Variants in CASK observed in about 807,000 individuals in gnomAD.
CASK encodes calcium/calmodulin dependent serine protein kinase.
In CASK, 4 loss-of-function variants were observed where a neutral mutation model predicts 82.9. That is an observed-to-expected ratio of 0.05 (90% CI 0.02 to 0.11). The LOEUF (loss-of-function observed/expected upper bound fraction) is 0.11. CASK is among the 10% of genes least tolerant of loss of function. CASK has a pLI of 1.00. For missense variants in CASK, 358 were observed against 720.9 expected (o/e 0.50, Z 5.76); for synonymous variants, 259 against 253.5 (o/e 1.02, Z -0.20).
rs149899543 is a variant in CASK, at chrX:41,768,100, T to C, written c.278+19078A>G. On this transcript the variant is annotated intron_variant, in intron 3 of 26. Coordinates refer to ENST00000378163, the MANE Select transcript of CASK (RefSeq NM_001367721.1). Reference sequence around the variant, plus strand: ...TTGGATTGTAATCTATACTGTGTTATTTTTTGCTCAAATTGTTCCAGTTTT... The same window carrying C: ...TTGGATTGTAATCTATACTGTGTTACTTTTTGCTCAAATTGTTCCAGTTTT... Among the ~76,000 whole-genome samples, 666 of 112,058 alleles carry C rather than the reference T, an allele frequency of 5.9e-3. 35 individuals are homozygous for C. The East Asian group carries it at 0.11, about 18-fold the overall frequency.
chrX:41,891,095 G>A (rs1185013486), intron 1 of CASK, among the ~76,000 whole-genome samples: 1 of 108,663 alleles, frequency 9.2e-6, no homozygotes, highest in Non-Finnish European at 1.9e-5. Flanking sequence ...TTGCCATGTT[G>A]GTCAAGCTGG....
At chrX:41,736,747 C>T (rs1035867451) in intron 5 of CASK, among the ~76,000 whole-genome samples, 4 of 111,821 alleles carry the variant, frequency 3.6e-5, no homozygotes, top group Non-Finnish European at 5.6e-5. Context: ...CATACTCCAA[C>T]GTAAGACTAC....
chrX:41,663,894 G>A (rs917062373), intron 7 of CASK, among the ~76,000 whole-genome samples: 2 of 111,715 alleles, frequency 1.8e-5, no homozygotes, highest in African/African-American at 3.3e-5. Context: ...CTTTTAAAAC[G>A]TTAGTATCTG....
chrX:41,670,596 A>C (rs1192543947), intron 6 of CASK, among the ~76,000 whole-genome samples: 2 of 111,035 alleles, frequency 1.8e-5, no homozygotes, highest in Non-Finnish European at 3.8e-5. Context: ...AAAATAAAAA[A>C]AGTTTGCTAG....
At chrX:41,890,585 G>A (rs2072147160) in intron 1 of CASK, among the ~76,000 whole-genome samples, 1 of 111,666 alleles carries the variant, frequency 9.0e-6, no homozygotes, top group African/African-American at 3.3e-5. Context: ...TCTCAAGAAG[G>A]GAAGGACTTT....
chrX:41,813,217 T>A (rs1360949741), intron 2 of CASK, among the ~76,000 whole-genome samples: 3 of 111,628 alleles, frequency 2.7e-5, no homozygotes, highest in Non-Finnish European at 5.6e-5. Context: ...CCAATGACTT[T>A]CTTCACGAAA....
intron 3 of CASK, among the ~76,000 whole-genome samples, chrX:41,755,741 T>G (rs192976624): frequency 1.8e-5 from 2 of 112,110 alleles, no homozygotes; most frequent in East Asian, 5.5e-4. Context: ...AAGTTAAAAT[T>G]AGAACTAAGC....
intron 14 of CASK, among the ~76,000 whole-genome samples, chrX:41,580,672 G>A (rs1358170586): frequency 9.0e-6 from 1 of 111,055 alleles, no homozygotes; most frequent in Non-Finnish European, 1.9e-5. Flanking sequence ...TTAACCTAAA[G>A]CTCTAATTCA....
chrX:41,636,441 T>C, intron 9 of CASK, 137 bp downstream of exon 9: 1 of 482,878 alleles, frequency 2.1e-6, no homozygotes, highest in East Asian at 3.7e-5. Flanking sequence ...GAAGTGGTGG[T>C]AATTTTTGGA....
chrX:41,843,513 C>T (rs896116002), intron 2 of CASK, among the ~76,000 whole-genome samples: 15 of 111,675 alleles, frequency 1.3e-4, no homozygotes, highest in Admixed American at 1.9e-4. Flanking sequence ...TCTACTTACT[C>T]GTGGTACTTA....
chrX:41,753,206 T>A (rs2068826852), intron 3 of CASK, among the ~76,000 whole-genome samples: 1 of 111,767 alleles, frequency 8.9e-6, no homozygotes, highest in Non-Finnish European at 1.9e-5. Flanking sequence ...TGTTAAAGAC[T>A]GGGTAGAATT....
At chrX:41,882,554 G>A (rs1056580624) in intron 1 of CASK, among the ~76,000 whole-genome samples, 8 of 111,701 alleles carry the variant, frequency 7.2e-5, no homozygotes, top group African/African-American at 2.0e-4. Flanking sequence ...ACAAGAGAAT[G>A]TAATACATTT....
At chrX:41,699,215 G>A (rs1224388357) in intron 5 of CASK, among the ~76,000 whole-genome samples, 2 of 111,484 alleles carry the variant, frequency 1.8e-5, no homozygotes, top group African/African-American at 3.3e-5. Context: ...ATGAGCCACC[G>A]CGCCCGGCCA....
intron 5 of CASK, among the ~76,000 whole-genome samples, chrX:41,680,569 ATTATTACT>A (rs1386288577): frequency 9.0e-6 from 1 of 110,998 alleles, no homozygotes; most frequent in African/African-American, 3.3e-5. Context: ...TTACTGGGTT[ATTATTACT>A]TTGGCTTTTC....
At chrX:41,791,022 C>A (rs952038571) in intron 2 of CASK, among the ~76,000 whole-genome samples, 3 of 111,611 alleles carry the variant, frequency 2.7e-5, no homozygotes, top group African/African-American at 9.8e-5. Context: ...CAGATGTTAG[C>A]ACAAAATGTA....
intron 5 of CASK, among the ~76,000 whole-genome samples, chrX:41,694,012 T>C (rs745588628): frequency 8.9e-6 from 1 of 112,244 alleles, no homozygotes; most frequent in South Asian, 3.7e-4. Context: ...TCAAATCCAC[T>C]TTGCATGGTA....
chrX:41,530,007 G>A (rs747708852), intron 25 of CASK, among the ~76,000 whole-genome samples: 2 of 111,833 alleles, frequency 1.8e-5, no homozygotes, highest in South Asian at 3.7e-4. Context: ...ACAGGGATTC[G>A]CCCTGCCTAA....
chrX:41,654,166 A>G (rs1290853413), intron 8 of CASK, among the ~76,000 whole-genome samples: 1 of 112,348 alleles, frequency 8.9e-6, no homozygotes, highest in Non-Finnish European at 1.9e-5. Flanking sequence ...ATGGGCACCA[A>G]TGAAAACATG....
At chrX:41,670,503 T>C (rs1035697698) in intron 6 of CASK, among the ~76,000 whole-genome samples, 3 of 112,042 alleles carry the variant, frequency 2.7e-5, no homozygotes, top group African/African-American at 6.5e-5. Context: ...TCCCAGCACT[T>C]TGGGAGGCTG....
Sources: allele counts gnomAD v4.1 joint callset (sites outside exome capture counted in the v4.1 genomes callset), GRCh38; gene constraint gnomAD v4.1.1; transcripts MANE v1.5; gene names NCBI Gene and HGNC (gene_info 2026-07-23, HGNC 2026-07-21).